TRAPPC9: variants seen among roughly 807,000 people sequenced by gnomAD.
The protein encoded by TRAPPC9 is trafficking protein particle complex subunit 9, also known as IKK2 binding protein.
Under a neutral mutation model 124.0 loss-of-function variants are expected in TRAPPC9, and 83 were observed. The observed-to-expected ratio is 0.67, with a 90% CI of 0.56 to 0.80. TRAPPC9 has a LOEUF of 0.80. Ranked by LOEUF, TRAPPC9 falls within the 30% of genes least tolerant of loss-of-function variation. The probability of loss-of-function intolerance (pLI) is 0.00; values close to 1 mark genes in which losing one functional copy is unlikely to be tolerated. For missense variants in TRAPPC9, 1,302 were observed against 1,508.3 expected (o/e 0.86, Z 2.27); for synonymous variants, 638 against 617.5 (o/e 1.03, Z -0.49).
At chr8:139,758,745 TGTGGAGGTA>T (rs2130328849) in intron 21 of TRAPPC9, among the ~76,000 whole-genome samples, 1 of 152,258 alleles carries the variant, frequency 6.6e-6, no homozygotes, top group East Asian at 1.9e-4. Context: ...AGCTTCAGTG[TGTGGAGGTA>T]GTGGCAGAGA....
rs1336254951 is a variant in TRAPPC9 at position 139,729,436 on chromosome 8, C to T, written c.*1625G>A. ...TCCTGAACGGAAGGGCTGAAGAGACCGCCCTGGGGTCTCCACCCCCTACTG... is the reference window on the plus strand; with the variant it reads ...TCCTGAACGGAAGGGCTGAAGAGACTGCCCTGGGGTCTCCACCCCCTACTG... On this transcript the variant is annotated 3_prime_UTR_variant, in exon 23 of 23. Transcript: ENST00000438773. 1.3e-5 allele frequency among the ~76,000 whole-genome samples: 2 copies of T among 152,182 alleles called. No homozygotes were observed. Among genetic ancestry groups the T allele is most frequent in the Non-Finnish European group, 2.9e-5 (2 of 68,024 alleles).
At chr8:139,794,457 C>T (rs1321418571) in intron 21 of TRAPPC9, among the ~76,000 whole-genome samples, 4 of 152,218 alleles carry the variant, frequency 2.6e-5, no homozygotes, top group South Asian at 2.1e-4. Flanking sequence ...GAGGCATTCT[C>T]GCTTACCAAA....
intron 21 of TRAPPC9, among the ~76,000 whole-genome samples, chr8:139,754,622 G>A (rs923043339): frequency 6.6e-6 from 1 of 152,184 alleles, no homozygotes; most frequent in Non-Finnish European, 1.5e-5. Context: ...CAACTCCCAT[G>A]GGTCGGCTGA....
chr8:140,337,827 C>A (rs1172589817), intron 9 of TRAPPC9, among the ~76,000 whole-genome samples: 1 of 151,896 alleles, frequency 6.6e-6, no homozygotes, highest in East Asian at 1.9e-4. Context: ...GCCCTCAGGG[C>A]TGTGCACAAA....
chr8:140,080,189 T>A (rs1843735379), intron 17 of TRAPPC9, among the ~76,000 whole-genome samples: 1 of 152,200 alleles, frequency 6.6e-6, no homozygotes, highest in African/African-American at 2.4e-5. Context: ...GAACATTCCA[T>A]ATCATGTGTG....
intron 20 of TRAPPC9, among the ~76,000 whole-genome samples, chr8:139,902,049 C>T (rs934175919): frequency 3.9e-5 from 6 of 152,150 alleles, no homozygotes; most frequent in African/African-American, 1.2e-4. Flanking sequence ...ATAATCATCA[C>T]GCTAAAAATA....
At chr8:139,887,062 T>C (rs914915647) in intron 20 of TRAPPC9, among the ~76,000 whole-genome samples, 3 of 152,006 alleles carry the variant, frequency 2.0e-5, no homozygotes, top group East Asian at 3.9e-4. Context: ...AATGGTCCAA[T>C]GCAATAGCCA....
At chr8:140,357,883 A>T (rs2067801856) in intron 9 of TRAPPC9, among the ~76,000 whole-genome samples, 1 of 152,236 alleles carries the variant, frequency 6.6e-6, no homozygotes, top group South Asian at 2.1e-4. Context: ...AGCAACAGCG[A>T]CCCAATACAC....
At chr8:140,114,703 A>C (rs1187842541) in intron 17 of TRAPPC9, among the ~76,000 whole-genome samples, 1 of 152,202 alleles carries the variant, frequency 6.6e-6, no homozygotes, top group Admixed American at 6.5e-5. Context: ...GAGAGCAAAT[A>C]TGTGGCACGT....
chr8:140,401,862 G>C (rs1289049294), intron 6 of TRAPPC9, among the ~76,000 whole-genome samples: 1 of 151,510 alleles, frequency 6.6e-6, no homozygotes, highest in Non-Finnish European at 1.5e-5. Flanking sequence ...CTGAGCTCAA[G>C]TGATCCTCCC....
At chr8:140,119,176 C>G (rs1251246711) in intron 17 of TRAPPC9, among the ~76,000 whole-genome samples, 1 of 152,210 alleles carries the variant, frequency 6.6e-6, no homozygotes, top group Non-Finnish European at 1.5e-5. Context: ...AAAAAGGCAG[C>G]CAGCCAAACC....
At chr8:140,045,974 T>G (rs976818586) in intron 17 of TRAPPC9, among the ~76,000 whole-genome samples, 1 of 152,104 alleles carries the variant, frequency 6.6e-6, no homozygotes, top group Non-Finnish European at 1.5e-5. Flanking sequence ...CTCAAAAGAA[T>G]GGTGGGATTT....
chr8:140,197,714 A>G (rs11990197), intron 17 of TRAPPC9, among the ~76,000 whole-genome samples: 55,867 of 152,094 alleles, frequency 0.37, 10,571 homozygotes, highest in East Asian at 0.59. Context: ...TAAAACAGCC[A>G]TATCTCTTCA....
At chr8:140,152,058 G>A (rs527777716) in intron 17 of TRAPPC9, among the ~76,000 whole-genome samples, 77 of 152,118 alleles carry the variant, frequency 5.1e-4, no homozygotes, top group African/African-American at 1.8e-3. Flanking sequence ...ATGACCTTGG[G>A]CTGGTTATTT....
chr8:140,181,278 G>A (rs894441384), intron 17 of TRAPPC9, among the ~76,000 whole-genome samples: 3 of 151,982 alleles, frequency 2.0e-5, no homozygotes, highest in African/African-American at 7.3e-5. Context: ...GGGGGCATGG[G>A]GAGACAGAAT....
chr8:140,422,446 T>C (rs536121677), intron 5 of TRAPPC9, among the ~76,000 whole-genome samples: 12 of 152,192 alleles, frequency 7.9e-5, no homozygotes, highest in Non-Finnish European at 8.8e-5. Context: ...AGGACTCATA[T>C]ATAGAATATA....
At chr8:140,419,733 A>C (rs2070131407) in intron 5 of TRAPPC9, among the ~76,000 whole-genome samples, 1 of 151,562 alleles carries the variant, frequency 6.6e-6, no homozygotes, top group African/African-American at 2.4e-5. Flanking sequence ...AAAATACAAA[A>C]AAATTAGCCG....
chr8:140,380,216 A>G (rs566259697), intron 7 of TRAPPC9, among the ~76,000 whole-genome samples: 13 of 152,382 alleles, frequency 8.5e-5, no homozygotes, highest in Non-Finnish European at 1.8e-4. Flanking sequence ...TAACCAAGAT[A>G]GTGTGGTACT....
chr8:140,323,047 C>A (rs1242798547), intron 9 of TRAPPC9, among the ~76,000 whole-genome samples: 2 of 152,192 alleles, frequency 1.3e-5, no homozygotes, highest in African/African-American at 4.8e-5. Flanking sequence ...AAGACCAAGG[C>A]ATGATTAGAG....
Sources: gnomAD v4.1 joint callset for allele counts (sites outside exome capture counted in the v4.1 genomes callset) on GRCh38, gnomAD v4.1.1 for gene constraint, MANE v1.5 for transcripts, NCBI Gene and HGNC (gene_info 2026-07-23, HGNC 2026-07-21) for gene names.